The following PCDH15 variants were observed in gnomAD, a reference collection of about 807,000 sequenced individuals.
The protein encoded by PCDH15 is protocadherin related 15.
In PCDH15, 129 loss-of-function variants were observed where a neutral mutation model predicts 178.5. That is an observed-to-expected ratio of 0.72 (90% CI 0.63 to 0.84). PCDH15 has a LOEUF of 0.84. PCDH15 is among the 40% of genes least tolerant of loss of function. PCDH15 has a pLI of 0.00. For missense variants in PCDH15, 2,230 were observed against 2,099.9 expected, an observed-to-expected ratio of 1.06 and a Z score of -1.21; for synonymous variants, 800 against 732.0, an observed-to-expected ratio of 1.09 and a Z score of -1.50.
At chr10:54,023,242 A>G in intron 18 of PCDH15, 45 bp from the exon 19 acceptor site, 1 of 1,562,138 alleles carries the variant, frequency 6.4e-7, no homozygotes, top group Middle Eastern at 2.1e-4. Flanking sequence ...GTAAGTTTTG[A>G]CGGGCTACTG....
intron 2 of PCDH15, among the ~76,000 whole-genome samples, chr10:55,478,553 G>T (rs1840108279): frequency 6.6e-6 from 1 of 151,124 alleles, no homozygotes; most frequent in South Asian, 2.1e-4. Flanking sequence ...GAAGTAGAAA[G>T]ATTTCAACTA....
At chr10:54,485,414 A>G (rs992462603) in intron 3 of PCDH15, among the ~76,000 whole-genome samples, 20 of 151,986 alleles carry the variant, frequency 1.3e-4, no homozygotes, top group African/African-American at 4.8e-4. Context: ...AAAGTTGGAT[A>G]CTAAGAAAAG....
At chr10:54,955,335 T>C (rs529233147) in intron 2 of PCDH15, among the ~76,000 whole-genome samples, 3 of 151,522 alleles carry the variant, frequency 2.0e-5, no homozygotes, top group African/African-American at 7.2e-5. Flanking sequence ...ACCAATGTTT[T>C]AAAACAATTT....
intron 18 of PCDH15, among the ~76,000 whole-genome samples, chr10:54,040,371 T>C (rs187185902): frequency 3.5e-4 from 53 of 152,106 alleles, no homozygotes; most frequent in Middle Eastern, 6.8e-3. Context: ...GTTTCCCCTT[T>C]GCTTGGCTCT....
intron 24 of PCDH15, among the ~76,000 whole-genome samples, chr10:53,939,506 G>A (rs2085862582): frequency 6.6e-6 from 1 of 151,888 alleles, no homozygotes; most frequent in Non-Finnish European, 1.5e-5. Context: ...GAAAATCAGG[G>A]CACTTTGGTA....
chr10:55,076,763 C>T (rs1425310690), intron 2 of PCDH15, among the ~76,000 whole-genome samples: 1 of 141,216 alleles, frequency 7.1e-6, no homozygotes, highest in African/African-American at 2.7e-5. Context: ...TGGCCTGTGA[C>T]CTTTTTTTTT....
intron 2 of PCDH15, among the ~76,000 whole-genome samples, chr10:55,099,116 T>G (rs1842518537): frequency 6.6e-6 from 1 of 152,056 alleles, no homozygotes; most frequent in Non-Finnish European, 1.5e-5. Context: ...TCTATTTCAT[T>G]TTTTTGAAGA....
At chr10:54,193,334 G>A (rs2049223586) in intron 11 of PCDH15, among the ~76,000 whole-genome samples, 1 of 152,090 alleles carries the variant, frequency 6.6e-6, no homozygotes, top group Non-Finnish European at 1.5e-5. Context: ...CACTGAGAAG[G>A]TATAAATACA....
intron 2 of PCDH15, chr10:54,599,743 G>C: frequency 2.1e-6 from 1 of 480,498 alleles, no homozygotes; most frequent in South Asian, 1.9e-5. Flanking sequence ...GGAAGAAGAA[G>C]AGGAGGTAAA....
chr10:54,108,619 G>A (rs1403436116), intron 15 of PCDH15, among the ~76,000 whole-genome samples: 1 of 152,120 alleles, frequency 6.6e-6, no homozygotes, highest in Non-Finnish European at 1.5e-5. Context: ...TAGACCCACT[G>A]GACTAGGATG....
chr10:55,143,919 CCT>C (rs1479878053), intron 2 of PCDH15, among the ~76,000 whole-genome samples: 1 of 151,880 alleles, frequency 6.6e-6, no homozygotes, highest in Non-Finnish European at 1.5e-5. Flanking sequence ...GGATCTTAGC[CCT>C]TTTTACTGAC....
chr10:54,244,009 A>G (rs2055675515), intron 8 of PCDH15, among the ~76,000 whole-genome samples: 1 of 152,198 alleles, frequency 6.6e-6, no homozygotes, highest in African/African-American at 2.4e-5. Flanking sequence ...AAGAGTGAAG[A>G]GCACATTTGA....
intron 1 of PCDH15, among the ~76,000 whole-genome samples, chr10:55,253,592 G>A (rs554339363): frequency 3.5e-4 from 52 of 149,082 alleles, no homozygotes; most frequent in African/African-American, 1.3e-3. Context: ...TGCATTTTAA[G>A]TGAACCATAA....
At chr10:53,899,874 T>G (rs1316309224) in intron 26 of PCDH15, among the ~76,000 whole-genome samples, 1 of 152,244 alleles carries the variant, frequency 6.6e-6, no homozygotes, top group African/African-American at 2.4e-5. Context: ...TTGTTAAACA[T>G]TAAGTATTTA....
intron 2 of PCDH15, among the ~76,000 whole-genome samples, chr10:55,396,092 A>T (rs1169240872): frequency 6.6e-6 from 1 of 152,166 alleles, no homozygotes; most frequent in African/African-American, 2.4e-5. Flanking sequence ...TTCTAAGGAA[A>T]TATGTATCAA....
intron 2 of PCDH15, among the ~76,000 whole-genome samples, chr10:54,970,934 T>G (rs1373029925): frequency 6.6e-6 from 1 of 152,160 alleles, no homozygotes; most frequent in African/African-American, 2.4e-5. Flanking sequence ...CCATTGAGTT[T>G]TGGAAATACC....
intron 16 of PCDH15, 139 bp from the exon 17 acceptor site, chr10:54,079,563 T>C (rs1198079863): frequency 1.2e-6 from 1 of 804,496 alleles, no homozygotes; most frequent in Non-Finnish European, 2.2e-6. Context: ...AGATGTATAA[T>C]ACTAAGATTC....
intron 2 of PCDH15, chr10:54,655,660 TCA>T (rs1299093245): frequency 6.6e-6 from 1 of 152,056 alleles, no homozygotes; most frequent in Non-Finnish European, 1.5e-5. Flanking sequence ...CTTAGAGAAG[TCA>T]CAGAGTTTGT....
At chr10:53,945,875 AT>A in intron 23 of PCDH15, among the ~76,000 whole-genome samples, 1 of 81,926 alleles carries the variant, frequency 1.2e-5, no homozygotes. Context: ...ATATATATAT[AT>A]ATATATCACA....
Sources: gnomAD v4.1 joint callset for allele counts (sites outside exome capture counted in the v4.1 genomes callset) on GRCh38, gnomAD v4.1.1 for gene constraint, MANE v1.5 for transcripts, NCBI Gene and HGNC (gene_info 2026-07-23, HGNC 2026-07-21) for gene names.